The following CAMK1D variants were observed in gnomAD, a reference collection of about 807,000 sequenced individuals.
CAMK1D encodes the protein calcium/calmodulin-dependent protein kinase type 1D.
CAMK1D carries 9 observed loss-of-function variants against 47.7 expected under a neutral mutation model. That is an observed-to-expected ratio of 0.19 (90% CI 0.11 to 0.33). The LOEUF (loss-of-function observed/expected upper bound fraction) is 0.33, where lower values mean the gene tolerates loss of function less well. Ranked by LOEUF, CAMK1D falls within the 10% of genes least tolerant of loss-of-function variation. CAMK1D has a pLI of 1.00. For missense variants in CAMK1D, 291 were observed against 488.7 expected (o/e 0.60, Z 3.81); for synonymous variants, 184 against 184.9 (o/e 0.99, Z 0.04).
chr10:12,404,537 A>G (rs1475037834), intron 1 of CAMK1D, among the ~76,000 whole-genome samples: 2 of 152,118 alleles, frequency 1.3e-5, no homozygotes, highest in African/African-American at 4.8e-5. Context: ...TAGGAGAGAA[A>G]GCTGTTTGTT....
chr10:12,408,288 A>C (rs903516667), intron 1 of CAMK1D, among the ~76,000 whole-genome samples: 1 of 151,930 alleles, frequency 6.6e-6, no homozygotes, highest in African/African-American at 2.4e-5. Flanking sequence ...CAACCTCCCG[A>C]GTAGTTGGGA....
intron 1 of CAMK1D, among the ~76,000 whole-genome samples, chr10:12,384,592 T>C (rs1267086073): frequency 1.3e-5 from 2 of 152,170 alleles, no homozygotes; most frequent in African/African-American, 4.8e-5. Flanking sequence ...ATGGGAAGAA[T>C]AGTCTTTTGA....
intron 1 of CAMK1D, among the ~76,000 whole-genome samples, chr10:12,453,304 C>A (rs1293014439): frequency 6.6e-6 from 1 of 151,882 alleles, no homozygotes; most frequent in African/African-American, 2.4e-5. Flanking sequence ...ATTCTCCTGC[C>A]TCAGCCTCCT....
chr10:12,738,970 G>A (rs1434392308), intron 3 of CAMK1D, among the ~76,000 whole-genome samples: 2 of 152,196 alleles, frequency 1.3e-5, no homozygotes, highest in African/African-American at 4.8e-5. Context: ...TTGGCTGGGT[G>A]CAGTGATTCA....
At chr10:12,617,904 T>TA (rs1838872988) in intron 2 of CAMK1D, among the ~76,000 whole-genome samples, 1 of 152,256 alleles carries the variant, frequency 6.6e-6, no homozygotes. Context: ...CCATTAATTT[T>TA]ATTAAATAGC....
intron 2 of CAMK1D, among the ~76,000 whole-genome samples, chr10:12,580,338 C>CTTT (rs5783277): frequency 0.036 from 4,349 of 120,598 alleles, 267 homozygotes; most frequent in African/African-American, 0.12. Context: ...CCCTTCCTTC[C>CTTT]TTTTTTTTTT....
At chr10:12,712,519 C>T (rs570246746) in intron 3 of CAMK1D, among the ~76,000 whole-genome samples, 1 of 152,310 alleles carries the variant, frequency 6.6e-6, no homozygotes, top group East Asian at 1.9e-4. Flanking sequence ...TGATTCACTT[C>T]CTGGTGAGGG....
At chr10:12,753,868 A>T (rs1342604982) in intron 3 of CAMK1D, among the ~76,000 whole-genome samples, 1 of 152,070 alleles carries the variant, frequency 6.6e-6, no homozygotes, top group Non-Finnish European at 1.5e-5. Context: ...CACTTAACTA[A>T]ATACTGCTCC....
chr10:12,403,483 A>G (rs1277574696), intron 1 of CAMK1D, among the ~76,000 whole-genome samples: 1 of 152,246 alleles, frequency 6.6e-6, no homozygotes, highest in Non-Finnish European at 1.5e-5. Context: ...CTCAGTTTCC[A>G]GAAGAGTGGG....
At position 12,801,391 on chromosome 10, in the gene CAMK1D, T is replaced by TATCTATCTATCTATCC. The variant is rs1242051924; in HGVS notation, c.641+10161_641+10162insTATCTATCTATCCATC. ...CTATCTATCTATCTATCTATCTATC[T>TATCTATCTATCTATCC]ATCCATCCATCTGTCCATCTCATTC... On this transcript the variant is annotated intron_variant, in intron 6 of 10. Transcript: ENST00000619168. Among the ~76,000 whole-genome samples the TATCTATCTATCTATCC allele has an allele frequency of 2.1e-3, 298 of 145,146 alleles. 3 individuals carry two copies. The highest frequency in any genetic ancestry group is 3.2e-3 in the Non-Finnish European group (212 of 65,606).
At chr10:12,528,699 A>G (rs1021326719) in intron 1 of CAMK1D, among the ~76,000 whole-genome samples, 1 of 151,828 alleles carries the variant, frequency 6.6e-6, no homozygotes, top group Non-Finnish European at 1.5e-5. Context: ...ATAGATAAGG[A>G]AACAGCTCTA....
rs546839549 is a variant in CAMK1D, at chr10:12,407,250, G to A, written c.92+57340G>A. ...GAGGCCTGGCAGGGCGGGCAGAGCC[G>A]CCGTGAGGACTGGACTCAGTTGCCC... On this transcript the variant is annotated intron_variant, in intron 1 of 10. Coordinates refer to ENST00000619168, the MANE Select transcript of CAMK1D (RefSeq NM_153498.4). 5.3e-4 allele frequency among the ~76,000 whole-genome samples: 81 copies of A among 152,322 alleles called. 1 individual carries two copies. The highest frequency in any genetic ancestry group is 5.2e-3 in the Admixed American group (80 of 15,308).
intron 3 of CAMK1D, among the ~76,000 whole-genome samples, chr10:12,758,130 A>G (rs934574297): frequency 1.4e-4 from 21 of 152,152 alleles, no homozygotes; most frequent in African/African-American, 4.1e-4. Context: ...GATTACAGGC[A>G]TGAGCCACCA....
chr10:12,779,901 C>CT, intron 5 of CAMK1D, among the ~76,000 whole-genome samples: 1 of 152,322 alleles, frequency 6.6e-6, no homozygotes, highest in African/African-American at 2.4e-5. Context: ...CACCTTGATG[C>CT]TTTAGATGGT....
intron 2 of CAMK1D, among the ~76,000 whole-genome samples, chr10:12,560,667 C>A (rs1306683685): frequency 6.6e-6 from 1 of 151,862 alleles, no homozygotes. Flanking sequence ...AAAGCTAGTC[C>A]TTGAATTTCT....
chr10:12,454,976 G>A (rs960595010), intron 1 of CAMK1D, among the ~76,000 whole-genome samples: 6 of 152,134 alleles, frequency 3.9e-5, no homozygotes, highest in Non-Finnish European at 7.3e-5. Flanking sequence ...CAGGCCGGCC[G>A]GCTGGCCGAG....
At chr10:12,576,810 G>C (rs1304747728) in intron 2 of CAMK1D, among the ~76,000 whole-genome samples, 2 of 152,176 alleles carry the variant, frequency 1.3e-5, no homozygotes, top group Non-Finnish European at 2.9e-5. Flanking sequence ...ACTCGGCTCT[G>C]TATTTCTAGA....
chr10:12,818,026 T>C (rs1301232894), intron 8 of CAMK1D, among the ~76,000 whole-genome samples: 2 of 152,104 alleles, frequency 1.3e-5, no homozygotes, highest in African/African-American at 4.8e-5. Flanking sequence ...GCATCCATTG[T>C]GAAACAAATG....
At position 12,349,724 on chromosome 10, in the gene CAMK1D, C is replaced by T. The variant is rs958550759; in HGVS notation, c.-95C>T. ...GGAAGCTGCGCCGCAGCCCGAGCCG[C>T]CCGGCATCCCCGCCGCCTCTGCGCC... On this transcript the variant is annotated 5_prime_UTR_variant, in exon 1 of 11. Transcript: ENST00000619168. 259 of 273,398 alleles carry T rather than the reference C, an allele frequency of 9.5e-4. 1 individual carries two copies. Among genetic ancestry groups the T allele is most frequent in the Non-Finnish European group, 1.0e-3 (168 of 167,032 alleles). The allele number at this position is 273,398 out of a possible 1,614,324, so 16.9% of individuals were successfully genotyped here. A position where few individuals can be genotyped will look rare whatever the true frequency, so the allele number is the denominator to read the frequency against.
Sources: allele counts gnomAD v4.1 joint callset (sites outside exome capture counted in the v4.1 genomes callset), GRCh38; gene constraint gnomAD v4.1.1; transcripts MANE v1.5; gene names NCBI Gene and HGNC (gene_info 2026-07-23, HGNC 2026-07-21).